Variants in LOC128462377 observed in about 807,000 individuals in gnomAD.
chr16:89,323,665 G>A, the LOC128462377 span: 4 of 314,456 alleles, frequency 1.3e-5, no homozygotes, highest in African/African-American at 2.3e-5. Context: ...CCCGCACACC[G>A]CCTGACAGTC....
the LOC128462377 span, among the ~76,000 whole-genome samples, chr16:89,403,404 C>G: frequency 6.6e-6 from 1 of 152,128 alleles, no homozygotes; most frequent in Non-Finnish European, 1.5e-5. Flanking sequence ...GCAGAGCACA[C>G]GCAGGTGAGG....
the LOC128462377 span, among the ~76,000 whole-genome samples, chr16:89,413,234 G>A: frequency 3.3e-5 from 5 of 152,140 alleles, no homozygotes; most frequent in African/African-American, 1.2e-4. Flanking sequence ...ACTAAACAAT[G>A]GAGTTATTTA....
At chr16:89,336,847 C>T in the LOC128462377 span, among the ~76,000 whole-genome samples, 3 of 151,846 alleles carry the variant, frequency 2.0e-5, no homozygotes, top group African/African-American at 7.3e-5. Flanking sequence ...AACTGCAGGC[C>T]GGGCGCGGTG....
At chr16:89,408,209 T>G in the LOC128462377 span, among the ~76,000 whole-genome samples, 29 of 152,212 alleles carry the variant, frequency 1.9e-4, no homozygotes, top group Non-Finnish European at 3.5e-4. Context: ...GCCAAGAAAC[T>G]CCCTGAGAGA....
At chr16:89,335,522 T>C in the LOC128462377 span, among the ~76,000 whole-genome samples, 1 of 152,186 alleles carries the variant, frequency 6.6e-6, no homozygotes. Context: ...ATGAACGCTA[T>C]ACCACTCCCA....
the LOC128462377 span, among the ~76,000 whole-genome samples, chr16:89,337,291 C>G: frequency 6.6e-6 from 1 of 151,942 alleles, no homozygotes; most frequent in Non-Finnish European, 1.5e-5. Flanking sequence ...AAGGAGAGGA[C>G]TTCAGGTGGC....
the LOC128462377 span, among the ~76,000 whole-genome samples, chr16:89,354,196 G>A: frequency 2.8e-5 from 4 of 145,230 alleles, no homozygotes; most frequent in Non-Finnish European, 4.5e-5. Flanking sequence ...TCCAAGGCAC[G>A]CATTTTCACA....
chr16:89,348,035 T>C, the LOC128462377 span, among the ~76,000 whole-genome samples: 2 of 152,040 alleles, frequency 1.3e-5, no homozygotes, highest in Admixed American at 1.3e-4. Flanking sequence ...CTGGGCTCAA[T>C]GGATCTTCCC....
At chr16:89,356,886 C>G in the LOC128462377 span, among the ~76,000 whole-genome samples, 1 of 152,286 alleles carries the variant, frequency 6.6e-6, no homozygotes, top group Non-Finnish European at 1.5e-5. Context: ...TGAGGCTTCT[C>G]CCAGGCCCTG....
chr16:89,330,458 A>G, the LOC128462377 span, among the ~76,000 whole-genome samples: 1 of 152,028 alleles, frequency 6.6e-6, no homozygotes, highest in Non-Finnish European at 1.5e-5. Flanking sequence ...TCCTTGGTGC[A>G]CAGACACGGC....
the LOC128462377 span, among the ~76,000 whole-genome samples, chr16:89,334,403 C>T: frequency 6.6e-6 from 1 of 152,080 alleles, no homozygotes; most frequent in East Asian, 1.9e-4. Flanking sequence ...GTGGGTCCAG[C>T]TCTTCTTACC....
chr16:89,391,214 C>T, the LOC128462377 span, among the ~76,000 whole-genome samples: 3 of 134,354 alleles, frequency 2.2e-5, no homozygotes, highest in Admixed American at 8.4e-5. Flanking sequence ...GGCGACAGAG[C>T]GAGACTCTGT....
the LOC128462377 span, among the ~76,000 whole-genome samples, chr16:89,382,052 G>A: frequency 6.6e-6 from 1 of 152,206 alleles, no homozygotes; most frequent in Admixed American, 6.5e-5. Flanking sequence ...CAGGGAAGGT[G>A]ATGGGAAGGA....
At chr16:89,340,370 C>T in the LOC128462377 span, among the ~76,000 whole-genome samples, 3 of 152,236 alleles carry the variant, frequency 2.0e-5, no homozygotes, top group African/African-American at 4.8e-5. Flanking sequence ...CTCCACCTCC[C>T]GGGTTCAAGC....
the LOC128462377 span, among the ~76,000 whole-genome samples, chr16:89,415,829 CAA>C: frequency 0.036 from 1,413 of 39,710 alleles, 40 homozygotes; most frequent in Middle Eastern, 0.091. Flanking sequence ...GACTCTGTCT[CAA>C]AAAAAAAAAA....
chr16:89,353,681 T>C, the LOC128462377 span, among the ~76,000 whole-genome samples: 1 of 152,202 alleles, frequency 6.6e-6, no homozygotes, highest in Non-Finnish European at 1.5e-5. Flanking sequence ...GGTTTCATCA[T>C]GTTGGCCAGG....
the LOC128462377 span, among the ~76,000 whole-genome samples, chr16:89,327,995 G>A: frequency 6.6e-6 from 1 of 152,192 alleles, no homozygotes; most frequent in African/African-American, 2.4e-5. Flanking sequence ...TCAGATAGCA[G>A]GCTTGTATGT....
At chr16:89,413,764 G>T in the LOC128462377 span, among the ~76,000 whole-genome samples, 5 of 152,164 alleles carry the variant, frequency 3.3e-5, no homozygotes, top group Non-Finnish European at 7.4e-5. Context: ...AGAAACAGCC[G>T]ACAAGCTCCC....
the LOC128462377 span, among the ~76,000 whole-genome samples, chr16:89,387,138 G>A: frequency 2.0e-5 from 3 of 152,046 alleles, no homozygotes; most frequent in African/African-American, 7.2e-5. Flanking sequence ...GGAGAGGTAG[G>A]TCACACAGCC....
Sources: gnomAD v4.1 joint callset for allele counts (sites outside exome capture counted in the v4.1 genomes callset) on GRCh38, gnomAD v4.1.1 for gene constraint, MANE v1.5 for transcripts.